GABRA5: variants seen among roughly 807,000 people sequenced by gnomAD.
The protein encoded by GABRA5 is gamma-aminobutyric acid type A receptor subunit alpha5.
In GABRA5, 18 loss-of-function variants were observed where a neutral mutation model predicts 47.3. That is an observed-to-expected ratio of 0.38 (90% confidence interval 0.26 to 0.56). GABRA5 has a LOEUF of 0.56. Ranked by LOEUF, GABRA5 falls within the 20% of genes least tolerant of loss-of-function variation. The probability of loss-of-function intolerance (pLI) is 0.71; values close to 1 mark genes in which losing one functional copy is unlikely to be tolerated. For synonymous variants in GABRA5, 237 were observed against 229.3 expected, an observed-to-expected ratio of 1.03 and a Z score of -0.30; for missense variants, 365 against 599.3, an observed-to-expected ratio of 0.61 and a Z score of 4.08.
In GABRA5 at chr15:26,867,196, C is replaced by A. The variant is rs2140236835; in HGVS notation, c.-140+85C>A. On this transcript the variant is annotated intron_variant, in intron 1 of 10. Transcript: ENST00000335625. This position sits in a 1 kb window ranked among gnomAD's most constrained non-coding sequence, Gnocchi z 5.9. ...GCCCGGGGCGCGGCGCGGAGCGGAG[C>A]TGCAGGGCGGCGGCGGGAGCGCGGG... is the stretch of plus-strand genomic sequence containing the variant. 6.7e-6 allele frequency: 1 copy of A among 149,346 alleles called. No individual in the cohort carries two copies. Among genetic ancestry groups the A allele is most frequent in the South Asian group, 1.8e-4 (1 of 5,584 alleles). 9.3% of individuals were successfully genotyped at this position (149,346 alleles called of 1,614,324 possible).
At chr15:26,926,006 T>C (rs1396920396) in intron 7 of GABRA5, among the ~76,000 whole-genome samples, 1 of 152,190 alleles carries the variant, frequency 6.6e-6, no homozygotes, top group East Asian at 1.9e-4. Context: ...GCCTCTCTTG[T>C]GGTTCTTTTC....
At chr15:26,886,074 C>A (rs926998723) in intron 6 of GABRA5, among the ~76,000 whole-genome samples, 1 of 152,180 alleles carries the variant, frequency 6.6e-6, no homozygotes, top group East Asian at 1.9e-4. Context: ...GGCTGGAGTA[C>A]AATGGCACGA....
Position 26,936,434 on chromosome 15 carries a change from G to A in GABRA5, c.581-751G>A, listed in dbSNP as rs150657735. 5.0e-3 allele frequency among the ~76,000 whole-genome samples: 764 copies of A among 152,244 alleles called. 7 individuals carry two copies. Among genetic ancestry groups the A allele is most frequent in the African/African-American group, 0.018 (737 of 41,546 alleles). ...CCTCAAGCCAGCAGTGGTGAGTGGAGCCCTTTTGTCATGCTTCTAATCTCT... is the reference window on the plus strand; with the variant it reads ...CCTCAAGCCAGCAGTGGTGAGTGGAACCCTTTTGTCATGCTTCTAATCTCT... On this transcript the variant is annotated intron_variant, in intron 7 of 10. Transcript: ENST00000335625.
intron 3 of GABRA5, 72 bp from the exon 4 acceptor site, chr15:26,880,774 T>C: frequency 1.3e-6 from 2 of 1,533,626 alleles, no homozygotes; most frequent in Non-Finnish European, 1.8e-6. Flanking sequence ...GACTCCCTGG[T>C]TTCTGTATCT....
intron 6 of GABRA5, among the ~76,000 whole-genome samples, chr15:26,905,999 CATTT>C (rs1566875412): frequency 6.6e-6 from 1 of 151,922 alleles, no homozygotes; most frequent in Non-Finnish European, 1.5e-5. Context: ...AGTTTTCATT[CATTT>C]ATTTTTCCCT....
At chr15:26,913,139 C>T (rs375760707) in intron 6 of GABRA5, among the ~76,000 whole-genome samples, 445 of 149,992 alleles carry the variant, frequency 3.0e-3, no homozygotes, top group African/African-American at 0.011. Flanking sequence ...GGCAAGATTG[C>T]GCCACTGCAC....
intron 6 of GABRA5, among the ~76,000 whole-genome samples, chr15:26,893,177 T>G (rs1893058821): frequency 8.8e-6 from 1 of 113,840 alleles, no homozygotes; most frequent in African/African-American, 3.2e-5. Flanking sequence ...GTGTATGTGG[T>G]GTGTGGTGTG....
chr15:26,942,263 G>T (rs578235674), intron 9 of GABRA5, among the ~76,000 whole-genome samples: 18 of 152,318 alleles, frequency 1.2e-4, no homozygotes, highest in African/African-American at 4.3e-4. Context: ...CCAGTAGCTG[G>T]TGCATAATCT....
At position 26,883,562 on chromosome 15, in the gene GABRA5, G is replaced by GCGCCGGGCGGGGGCGGGGGCCC; in HGVS notation, c.497+22_497+23insGGCCCCGCCGGGCGGGGGCGGG. On this transcript the variant is annotated splice_donor_region_variant and intron_variant, in intron 6 of 10. Coordinates refer to ENST00000335625, the MANE Select transcript of GABRA5 (RefSeq NM_000810.4). The surrounding 1 kb of genome is among the most constrained non-coding windows in gnomAD (Gnocchi z 4.8). Reference sequence around the variant, plus strand: ...CACCCTGCTCTACACCATGCGGTGAGCGCCGGGCGGGGGCGGGCGGGGCCG... The same window carrying GCGCCGGGCGGGGGCGGGGGCCC: ...CACCCTGCTCTACACCATGCGGTGAGCGCCGGGCGGGGGCGGGGGCCCCGCCGGGCGGGGGCGGGCGGGGCCG... The GCGCCGGGCGGGGGCGGGGGCCC allele has an allele frequency of 6.3e-7, 1 of 1,582,236 alleles. No homozygotes were observed. Among genetic ancestry groups the GCGCCGGGCGGGGGCGGGGGCCC allele is most frequent in the Non-Finnish European group, 8.6e-7 (1 of 1,162,788 alleles).
intron 6 of GABRA5, among the ~76,000 whole-genome samples, chr15:26,904,184 A>G (rs1893389787): frequency 6.6e-6 from 1 of 152,204 alleles, no homozygotes; most frequent in Non-Finnish European, 1.5e-5. Context: ...TCTTCTGCAT[A>G]TAGCTAATCA....
chr15:26,929,039 ACACAGTTATTTAGTCTAT>A (rs112971597), intron 7 of GABRA5, among the ~76,000 whole-genome samples: 37,695 of 151,872 alleles, frequency 0.25, 5,051 homozygotes, highest in Middle Eastern at 0.41. Flanking sequence ...TTTGGGGGGG[ACACAGTTATTTAGTCTAT>A]CACATTCTTC....
chr15:26,927,759 T>C (rs1056257826), intron 7 of GABRA5, among the ~76,000 whole-genome samples: 1 of 152,270 alleles, frequency 6.6e-6, no homozygotes, highest in Non-Finnish European at 1.5e-5. Flanking sequence ...TGTGATAGTA[T>C]AATGAGTTTC....
intron 3 of GABRA5, 135 bp from the exon 4 acceptor site, chr15:26,880,710 GC>G (rs1892708116): frequency 1.3e-6 from 1 of 790,438 alleles, no homozygotes; most frequent in African/African-American, 1.7e-5. Context: ...AATCCCCTAG[GC>G]ACTATGGGAG....
intron 7 of GABRA5, among the ~76,000 whole-genome samples, chr15:26,935,163 G>A (rs1034864989): frequency 2.6e-5 from 4 of 152,184 alleles, no homozygotes; most frequent in Non-Finnish European, 4.4e-5. Context: ...CACCCTTAAT[G>A]TGATGAGGAG....
intron 10 of GABRA5, 104 bp from the exon 11 acceptor site, chr15:26,947,829 TA>T: frequency 9.7e-7 from 1 of 1,035,538 alleles, no homozygotes; most frequent in Non-Finnish European, 1.4e-6. Context: ...TCTCCCAGGC[TA>T]AACAGGTGTT....
chr15:26,941,303 G>A (rs986926293), intron 9 of GABRA5, among the ~76,000 whole-genome samples: 3 of 152,052 alleles, frequency 2.0e-5, no homozygotes, highest in African/African-American at 7.2e-5. Context: ...GTTATTGTTG[G>A]GTTTTTTGGC....
rs553164783 is a variant in GABRA5, at chr15:26,934,330, A to G, written c.581-2855A>G. ...AAGCCTAGAGATATGGGTTTAGATA[A>G]CTCAAACCCTGTACCTTTTCAAATC... On this transcript the variant is annotated intron_variant, in intron 7 of 10. Transcript: ENST00000335625. Among the ~76,000 whole-genome samples the G allele has an allele frequency of 2.6e-5, 4 of 152,044 alleles. No individual in the cohort carries two copies. The East Asian group carries it at 7.7e-4, about 29-fold the overall frequency.
chr15:26,928,729 A>G (rs8031094), intron 7 of GABRA5, among the ~76,000 whole-genome samples: 73,529 of 151,888 alleles, frequency 0.48, 18,100 homozygotes, highest in East Asian at 0.7. Flanking sequence ...TTATAACAGA[A>G]TACCACAAAC....
intron 6 of GABRA5, among the ~76,000 whole-genome samples, chr15:26,907,276 G>T (rs1893467248): frequency 6.6e-6 from 1 of 152,176 alleles, no homozygotes; most frequent in Non-Finnish European, 1.5e-5. Context: ...GATCATTTTA[G>T]TGTATTCTTA....
Sources: allele counts gnomAD v4.1 joint callset (sites outside exome capture counted in the v4.1 genomes callset), GRCh38; gene constraint gnomAD v4.1.1; non-coding constraint Gnocchi (gnomAD v3.1); transcripts MANE v1.5; gene names NCBI Gene and HGNC (gene_info 2026-07-23, HGNC 2026-07-21).